TCF7L2: variants seen among roughly 807,000 people sequenced by gnomAD.
TCF7L2 encodes the protein transcription factor 7-like 2.
In TCF7L2, 23 loss-of-function variants were observed where a neutral mutation model predicts 77.9. The ratio of observed to expected loss-of-function variants is 0.30; its 90% confidence interval spans 0.21 to 0.42. The LOEUF (loss-of-function observed/expected upper bound fraction) is 0.42, where lower values mean the gene tolerates loss of function less well. Ranked by LOEUF, TCF7L2 falls within the 10% of genes least tolerant of loss-of-function variation. The pLI, the probability that TCF7L2 is intolerant of heterozygous loss-of-function variation, is 1.00. For synonymous variants in TCF7L2, 413 were observed against 340.2 expected (o/e 1.21, Z -2.36); for missense variants, 654 against 793.1 (o/e 0.82, Z 2.11).
At chr10:112,964,822 T>TGGTGGTGATGGTGGTGGTGGTGATGG (rs1554875168) in intron 4 of TCF7L2, among the ~76,000 whole-genome samples, 198 bp downstream of exon 4, 1 of 73,564 alleles carries the variant, frequency 1.4e-5, no homozygotes, top group African/African-American at 5.5e-5. Flanking sequence ...TGGGGGGGGG[T>TGGTGGTGATGGTGGTGGTGGTGATGG]TGAATCACTG....
chr10:113,036,115 CCATCATCATCAT>C (rs71869784), intron 4 of TCF7L2, among the ~76,000 whole-genome samples: 10,349 of 146,508 alleles, frequency 0.071, 406 homozygotes, highest in African/African-American at 0.11. Context: ...ATCATCATCA[CCATCATCATCAT>C]CATCATCATC....
intron 4 of TCF7L2, among the ~76,000 whole-genome samples, chr10:113,007,600 A>G (rs1245652983): frequency 6.6e-6 from 1 of 152,250 alleles, no homozygotes; most frequent in Non-Finnish European, 1.5e-5. Context: ...TGGAGTAAAC[A>G]GAGTGATTCT....
chr10:112,996,688 G>T (rs569491917), intron 4 of TCF7L2, among the ~76,000 whole-genome samples: 35 of 152,316 alleles, frequency 2.3e-4, no homozygotes, highest in African/African-American at 8.4e-4. Context: ...AAGCCTGAAG[G>T]CCAATGTGTA....
chr10:113,116,566 CT>C (rs1219706253), intron 5 of TCF7L2, among the ~76,000 whole-genome samples: 1 of 151,966 alleles, frequency 6.6e-6, no homozygotes, highest in African/African-American at 2.4e-5. Flanking sequence ...CCTGGGGATC[CT>C]TTGCTTATTT....
At chr10:112,989,810 G>A (rs2042206454) in intron 4 of TCF7L2, among the ~76,000 whole-genome samples, 1 of 152,158 alleles carries the variant, frequency 6.6e-6, no homozygotes, top group East Asian at 1.9e-4. Flanking sequence ...AAATGTTGTT[G>A]TGGTGTTTCA....
At chr10:113,089,547 C>G (rs1316443626) in intron 5 of TCF7L2, 13 of 1,613,226 alleles carry the variant, frequency 8.1e-6, no homozygotes, top group South Asian at 1.1e-5. Context: ...TGAGGTAGGT[C>G]TCGGAGCAGA....
chr10:113,126,654 C>A (rs2065661999), intron 5 of TCF7L2: 9 of 985,064 alleles, frequency 9.1e-6, no homozygotes, highest in Admixed American at 6.2e-5. Flanking sequence ...CCCTATCAAG[C>A]GAGATAATTC....
At chr10:113,164,892 C>G (rs1436587171) in intron 13 of TCF7L2, among the ~76,000 whole-genome samples, 1 of 152,148 alleles carries the variant, frequency 6.6e-6, no homozygotes, top group African/African-American at 2.4e-5. Flanking sequence ...CCCGAAAGCT[C>G]TCTGGGCGCC....
At chr10:113,143,409 C>G (rs1564955262) in intron 6 of TCF7L2, among the ~76,000 whole-genome samples, 1 of 152,190 alleles carries the variant, frequency 6.6e-6, no homozygotes, top group Non-Finnish European at 1.5e-5. Flanking sequence ...CAAATAGAGG[C>G]AGAGACATTT....
intron 3 of TCF7L2, among the ~76,000 whole-genome samples, chr10:112,959,484 T>C (rs951725013): frequency 6.6e-6 from 1 of 152,236 alleles, no homozygotes; most frequent in South Asian, 2.1e-4. Context: ...GAGATTGTTC[T>C]TGTGTCTAAA....
intron 5 of TCF7L2, among the ~76,000 whole-genome samples, chr10:113,140,507 A>T (rs953425942): frequency 7.2e-5 from 11 of 152,210 alleles, no homozygotes; most frequent in Admixed American, 2.0e-4. Context: ...CTTTCTAATG[A>T]AATTCCTAAT....
intron 8 of TCF7L2, among the ~76,000 whole-genome samples, chr10:113,147,191 C>G (rs1486262704): frequency 6.6e-6 from 1 of 152,168 alleles, no homozygotes; most frequent in Non-Finnish European, 1.5e-5. Flanking sequence ...ATCACCAACC[C>G]ATTCTGATGA....
rs201733753 is a variant in TCF7L2 at position 112,951,509 on chromosome 10, T to C, written c.283T>C (p.Phe95Leu). The change falls in exon 3 of 14, where the codon TTT becomes CTT. Residue 95 changes from phenylalanine (F) to leucine (L), a missense_variant. Coordinates refer to ENST00000627217, the MANE Select transcript of TCF7L2 (RefSeq NM_001146274.2). ...GGCCAAGAGGCAAGATGGAGGGCTC[T>C]TTAAGGGGCCACCGTATCCCGGCTA... The C allele has an allele frequency of 7.0e-7, 1 of 1,431,816 alleles. No homozygotes were observed. Among genetic ancestry groups the C allele is most frequent in the Non-Finnish European group, 9.3e-7 (1 of 1,069,944 alleles). 88.7% of individuals were successfully genotyped at this position (1,431,816 alleles called of 1,614,324 possible). A position where few individuals can be genotyped will look rare whatever the true frequency, so the allele number is the denominator to read the frequency against.
At chr10:113,133,665 A>G (rs1180659356) in intron 5 of TCF7L2, among the ~76,000 whole-genome samples, 2 of 152,252 alleles carry the variant, frequency 1.3e-5, no homozygotes, top group Non-Finnish European at 2.9e-5. Flanking sequence ...GTCATTTCCC[A>G]GCAAGAAGAA....
chr10:113,082,271 A>G (rs1429423243), intron 5 of TCF7L2, among the ~76,000 whole-genome samples: 3 of 152,142 alleles, frequency 2.0e-5, no homozygotes, highest in Non-Finnish European at 4.4e-5. Context: ...AATACAGTTA[A>G]AAAGTGTCTC....
At chr10:113,038,772 G>A (rs988023744) in intron 4 of TCF7L2, among the ~76,000 whole-genome samples, 2 of 152,076 alleles carry the variant, frequency 1.3e-5, no homozygotes, top group African/African-American at 2.4e-5. Flanking sequence ...TGATTTACCT[G>A]TGTCTGTAAG....
intron 4 of TCF7L2, among the ~76,000 whole-genome samples, chr10:113,025,141 A>G (rs1355281283): frequency 1.3e-5 from 2 of 150,658 alleles, no homozygotes; most frequent in South Asian, 2.1e-4. Flanking sequence ...CACTGCAACC[A>G]TGACCTCCTG....
At chr10:112,994,260 C>G (rs550113970) in intron 4 of TCF7L2, among the ~76,000 whole-genome samples, 17 of 152,158 alleles carry the variant, frequency 1.1e-4, no homozygotes, top group African/African-American at 4.1e-4. Flanking sequence ...TCCTCTCCCC[C>G]CAGCCCCTGG....
intron 3 of TCF7L2, 75 bp downstream of exon 3, chr10:112,951,682 C>T: frequency 2.2e-6 from 2 of 890,916 alleles, no homozygotes. Flanking sequence ...CATGCGGCCC[C>T]TGCCCTGCCC....
Sources: gnomAD v4.1 joint callset for allele counts (sites outside exome capture counted in the v4.1 genomes callset) on GRCh38, gnomAD v4.1.1 for gene constraint, MANE v1.5 for transcripts, NCBI Gene and HGNC (gene_info 2026-07-23, HGNC 2026-07-21) for gene names.